SPOCK1: variants seen among roughly 807,000 people sequenced by gnomAD.
SPOCK1 encodes testican-1.
Under a neutral mutation model 55.3 loss-of-function variants are expected in SPOCK1, and 23 were observed. That is an observed-to-expected ratio of 0.42 (90% CI 0.30 to 0.59). The LOEUF (loss-of-function observed/expected upper bound fraction) is 0.59. Among genes scored for constraint, SPOCK1 ranks in the 20% least tolerant of loss-of-function variants. The pLI is 0.22. For missense variants in SPOCK1, 499 were observed against 552.5 expected (o/e 0.90, Z 0.97); for synonymous variants, 226 against 221.0 (o/e 1.02, Z -0.20).
At position 137,171,416 on chromosome 5, in the gene SPOCK1, T is replaced by C. The variant is rs542627873; in HGVS notation, c.233-30722A>G. 1.1e-4 allele frequency among the ~76,000 whole-genome samples: 17 copies of C among 152,132 alleles called. 1 individual carries two copies. Among genetic ancestry groups the C allele is most frequent in the African/African-American group, 4.1e-4 (17 of 41,496 alleles). On this transcript the variant is annotated intron_variant, in intron 3 of 10. Transcript: ENST00000394945. The stretch of plus-strand genomic sequence containing the variant: ...ATACAGAGCTGGCACTTGATCAACT[T>C]TTGCTGAGTTTAACTGAGAAGCGAC...
intron 6 of SPOCK1, among the ~76,000 whole-genome samples, chr5:137,058,353 G>C (rs1322333831): frequency 3.3e-5 from 5 of 152,198 alleles, no homozygotes; most frequent in African/African-American, 1.2e-4. Flanking sequence ...CAGCAAAGGA[G>C]ATAACATTAT....
At chr5:137,418,038 A>C (rs1388370976) in intron 2 of SPOCK1, among the ~76,000 whole-genome samples, 1 of 152,076 alleles carries the variant, frequency 6.6e-6, no homozygotes, top group Non-Finnish European at 1.5e-5. Flanking sequence ...CCCACCTATG[A>C]GTGAGAACAT....
At chr5:137,033,476 C>T (rs1282532593) in intron 6 of SPOCK1, among the ~76,000 whole-genome samples, 2 of 152,226 alleles carry the variant, frequency 1.3e-5, no homozygotes, top group Non-Finnish European at 2.9e-5. Context: ...TTCCTCACTG[C>T]TCTTCCTGCA....
intron 5 of SPOCK1, among the ~76,000 whole-genome samples, chr5:137,090,236 C>G (rs1171678521): frequency 6.6e-6 from 1 of 152,232 alleles, no homozygotes; most frequent in African/African-American, 2.4e-5. Flanking sequence ...TTTAGCAAAA[C>G]AGCAACTTGG....
At chr5:137,211,119 T>C (rs6872886) in intron 3 of SPOCK1, among the ~76,000 whole-genome samples, 4,957 of 152,252 alleles carry the variant, frequency 0.033, 152 homozygotes, top group East Asian at 0.13. Flanking sequence ...GAAGCCCCCA[T>C]CTAATGCTAT....
chr5:137,265,055 C>T (rs1461812272), intron 3 of SPOCK1, among the ~76,000 whole-genome samples: 1 of 152,146 alleles, frequency 6.6e-6, no homozygotes, highest in Non-Finnish European at 1.5e-5. Flanking sequence ...CAGGATGGGG[C>T]TCTGCTGAAT....
intron 3 of SPOCK1, among the ~76,000 whole-genome samples, chr5:137,227,474 A>T (rs182585823): frequency 2.6e-5 from 4 of 152,208 alleles, no homozygotes; most frequent in Admixed American, 2.0e-4. Flanking sequence ...AGGGTCATGA[A>T]ATCCTGACAA....
At chr5:137,448,255 A>T (rs1753172145) in intron 2 of SPOCK1, among the ~76,000 whole-genome samples, 1 of 152,180 alleles carries the variant, frequency 6.6e-6, no homozygotes, top group African/African-American at 2.4e-5. Context: ...TCTCAAAAAA[A>T]ATTTTTTTAA....
chr5:137,356,797 TAATATATATATATATATATATATA>T (rs1750812445), intron 2 of SPOCK1, among the ~76,000 whole-genome samples: 1 of 24,400 alleles, frequency 4.1e-5, no homozygotes, highest in Non-Finnish European at 6.9e-5. Flanking sequence ...TCAAAAAAAA[TAATATATATATATATATATATATA>T]TATATATATA....
chr5:137,387,447 A>G (rs1432384947), intron 2 of SPOCK1, among the ~76,000 whole-genome samples: 1 of 152,228 alleles, frequency 6.6e-6, no homozygotes, highest in Admixed American at 6.5e-5. Flanking sequence ...ACAATGGGAT[A>G]TTTTTCAACA....
chr5:137,446,971 A>G (rs1056079154), intron 2 of SPOCK1, among the ~76,000 whole-genome samples: 1 of 152,190 alleles, frequency 6.6e-6, no homozygotes, highest in Non-Finnish European at 1.5e-5. Context: ...ATGTTGTAAC[A>G]TGTGATAGAA....
chr5:137,418,800 G>A (rs1229712), intron 2 of SPOCK1, among the ~76,000 whole-genome samples: 50,688 of 152,000 alleles, frequency 0.33, 8,530 homozygotes, highest in Middle Eastern at 0.45. Flanking sequence ...AAGCTCTCCA[G>A]TTTAATTAGA....
At chr5:137,177,709 T>A (rs758758563) in intron 3 of SPOCK1, among the ~76,000 whole-genome samples, 2 of 151,650 alleles carry the variant, frequency 1.3e-5, no homozygotes, top group Non-Finnish European at 2.9e-5. Context: ...GACTCAAAGA[T>A]AAGAAGAAGG....
intron 2 of SPOCK1, among the ~76,000 whole-genome samples, chr5:137,333,426 G>A (rs1325382289): frequency 6.6e-6 from 1 of 152,308 alleles, no homozygotes; most frequent in African/African-American, 2.4e-5. Context: ...ACCTCCAGCA[G>A]ACACTGGGGC....
chr5:137,365,499 C>A (rs532550701), intron 2 of SPOCK1: 28 of 152,300 alleles, frequency 1.8e-4, no homozygotes, highest in African/African-American at 6.5e-4. Flanking sequence ...TGAGAAATTG[C>A]CCCTAAAAGG....
At chr5:137,075,673 T>C (rs1248990651) in intron 5 of SPOCK1, among the ~76,000 whole-genome samples, 1 of 152,214 alleles carries the variant, frequency 6.6e-6, no homozygotes, top group Non-Finnish European at 1.5e-5. Context: ...ATAGTTTCTC[T>C]AAACTGTGTG....
chr5:137,470,755 A>G (rs748229267), intron 2 of SPOCK1, among the ~76,000 whole-genome samples: 24 of 152,236 alleles, frequency 1.6e-4, no homozygotes, highest in Non-Finnish European at 2.9e-4. Flanking sequence ...TTCACCAAAC[A>G]GTAAACAGCA....
At position 137,135,060 on chromosome 5, in the gene SPOCK1, T is replaced by C. The variant is rs145965462; in HGVS notation, c.347+5520A>G. ...CCCAGCCCATTGGGAAGTCGGGCCA[T>C]GTCTGCTCCTTATTTAAAAACAGAT... is the stretch of plus-strand genomic sequence containing the variant. On this transcript the variant is annotated intron_variant, in intron 4 of 10. Transcript: ENST00000394945. 4.0e-3 allele frequency among the ~76,000 whole-genome samples: 607 copies of C among 152,324 alleles called. 2 individuals are homozygous for C. The highest frequency in any genetic ancestry group is 7.6e-3 in the Non-Finnish European group (517 of 68,036).
At chr5:137,438,659 C>CACAG (rs1373390714) in intron 2 of SPOCK1, among the ~76,000 whole-genome samples, 1 of 151,808 alleles carries the variant, frequency 6.6e-6, no homozygotes. Flanking sequence ...TGCACACACA[C>CACAG]ACACACACAC....
Sources: allele counts gnomAD v4.1 joint callset (sites outside exome capture counted in the v4.1 genomes callset), GRCh38; gene constraint gnomAD v4.1.1; transcripts MANE v1.5; gene names NCBI Gene and HGNC (gene_info 2026-07-23, HGNC 2026-07-21).